USH2A: variants seen among roughly 807,000 people sequenced by gnomAD.
The protein encoded by USH2A is usherin, also known as Usher syndrome 2A (autosomal recessive, mild).
A neutral mutation model predicts 538.9 loss-of-function variants in USH2A; 443 were observed. The observed-to-expected ratio is 0.82, with a 90% confidence interval of 0.76 to 0.89. The LOEUF (loss-of-function observed/expected upper bound fraction) is 0.89. Among genes scored for constraint, USH2A ranks in the 40% least tolerant of loss-of-function variants. USH2A has a pLI of 0.00. For synonymous variants in USH2A, 2,413 were observed against 2,273.5 expected (o/e 1.06, Z -1.75); for missense variants, 6,633 against 6,324.8 (o/e 1.05, Z -1.65).
At chr1:215,792,913 G>T (rs1301987087) in intron 50 of USH2A, among the ~76,000 whole-genome samples, 1 of 152,198 alleles carries the variant, frequency 6.6e-6, no homozygotes, top group East Asian at 1.9e-4. Context: ...AAAAGGTGGA[G>T]TGTGTCTTTG....
chr1:215,908,571 TATAG>T (rs1213633575), intron 38 of USH2A, among the ~76,000 whole-genome samples: 2 of 151,914 alleles, frequency 1.3e-5, no homozygotes, highest in Non-Finnish European at 2.9e-5. Flanking sequence ...GTAAAATTAT[TATAG>T]ATAATCTTTC....
intron 3 of USH2A, among the ~76,000 whole-genome samples, chr1:216,398,542 A>T (rs1411013923): frequency 1.8e-5 from 2 of 108,560 alleles, no homozygotes; most frequent in East Asian, 6.3e-4. Context: ...ACACACACAC[A>T]CAAGCACACC....
intron 14 of USH2A, among the ~76,000 whole-genome samples, chr1:216,222,851 G>GC (rs1455473090): frequency 6.6e-6 from 1 of 152,014 alleles, no homozygotes; most frequent in Non-Finnish European, 1.5e-5. Flanking sequence ...GGTGCTGCAT[G>GC]CTTGTAATCA....
chr1:215,758,672 G>A lies in USH2A; in HGVS notation c.11312C>T (p.Thr3771Ile). Residue 3771 changes from threonine (T) to isoleucine (I), a missense_variant, in exon 58 of 72, where the codon ACA becomes ATA. Coordinates refer to ENST00000307340, the MANE Select transcript of USH2A (RefSeq NM_206933.4). ...DDYIVQTPMS[T>I]PEEIYPPYNI... ...ATATGGAGGATAGATTTCTTCTGGT[G>A]TTGACATAGGTGTTTGAACAATGTA... 6.2e-7 allele frequency: 1 copy of A among 1,613,586 alleles called. No individual in the cohort carries two copies. Among genetic ancestry groups the A allele is most frequent in the Non-Finnish European group, 8.5e-7 (1 of 1,179,766 alleles).
chr1:215,809,310 T>C (rs1401564058), intron 49 of USH2A, among the ~76,000 whole-genome samples: 3 of 152,278 alleles, frequency 2.0e-5, no homozygotes, highest in African/African-American at 4.8e-5. Flanking sequence ...AGAGGAAACA[T>C]AGTATACACA....
At chr1:215,640,012 A>G (rs1412549175) in intron 68 of USH2A, among the ~76,000 whole-genome samples, 1 of 152,218 alleles carries the variant, frequency 6.6e-6, no homozygotes. Context: ...TTCAATTTAA[A>G]AACAAGGCAA....
At chr1:216,188,477 TA>T (rs2034651524) in intron 20 of USH2A, among the ~76,000 whole-genome samples, 1 of 151,796 alleles carries the variant, frequency 6.6e-6, no homozygotes, top group Non-Finnish European at 1.5e-5. Flanking sequence ...ATATGCAGCC[TA>T]AAGGAGAAAA....
chr1:215,913,291 T>C (rs1558158550), intron 38 of USH2A, among the ~76,000 whole-genome samples: 1 of 152,012 alleles, frequency 6.6e-6, no homozygotes, highest in Non-Finnish European at 1.5e-5. Context: ...GAAAGCAATA[T>C]GTAGTTAAAA....
intron 21 of USH2A, among the ~76,000 whole-genome samples, chr1:216,117,214 G>A (rs1178352298): frequency 5.9e-5 from 9 of 152,064 alleles, no homozygotes; most frequent in African/African-American, 2.2e-4. Context: ...ATGAACTAGT[G>A]TCCTCCTTCC....
chr1:216,107,556 G>T (rs1390979427), intron 21 of USH2A, among the ~76,000 whole-genome samples: 2 of 151,390 alleles, frequency 1.3e-5, no homozygotes, highest in African/African-American at 4.8e-5. Flanking sequence ...TGCTTATTTA[G>T]CCAGTTTAAT....
intron 43 of USH2A, among the ~76,000 whole-genome samples, 185 bp downstream of exon 43, chr1:215,877,573 G>A (rs1664802713): frequency 6.6e-6 from 1 of 152,142 alleles, no homozygotes; most frequent in Non-Finnish European, 1.5e-5. Flanking sequence ...ATGCAGTTAA[G>A]ATGGAAAACA....
In USH2A at chr1:216,343,364, A is replaced by G. The variant is rs2038112640; in HGVS notation, c.785-15710T>C. 5.2e-5 allele frequency among the ~76,000 whole-genome samples: 7 copies of G among 134,324 alleles called. No homozygotes were observed. In the South Asian group the frequency reaches 1.7e-3, roughly 32 times the overall value. The allele number at this position is 134,324 out of a possible 152,430, so 88.1% of individuals were successfully genotyped here. On this transcript the variant is annotated intron_variant, in intron 4 of 71. Coordinates refer to ENST00000307340, the MANE Select transcript of USH2A (RefSeq NM_206933.4). ...TGGACTGGACAACATAGTAAGAACC[A>G]TCTCTACAAAAAAAAAAAAAAAAAA...
At chr1:215,998,428 A>G (rs1034968369) in intron 34 of USH2A, among the ~76,000 whole-genome samples, 2 of 152,144 alleles carry the variant, frequency 1.3e-5, no homozygotes, top group South Asian at 4.1e-4. Context: ...GGAGCATAAT[A>G]TAAACCAGAA....
intron 21 of USH2A, among the ~76,000 whole-genome samples, chr1:216,102,029 G>A (rs1287973590): frequency 6.6e-6 from 1 of 152,036 alleles, no homozygotes; most frequent in Non-Finnish European, 1.5e-5. Flanking sequence ...TAAATGTGAA[G>A]CTATAACATA....
intron 46 of USH2A, among the ~76,000 whole-genome samples, chr1:215,842,064 C>T (rs973695728): frequency 1.3e-5 from 2 of 152,128 alleles, no homozygotes; most frequent in African/African-American, 4.8e-5. Flanking sequence ...TGGCTCACAC[C>T]TGTAATCCCA....
At chr1:215,632,254 T>G (rs1656306952) in intron 70 of USH2A, among the ~76,000 whole-genome samples, 1 of 152,066 alleles carries the variant, frequency 6.6e-6, no homozygotes, top group East Asian at 1.9e-4. Context: ...CTGGTTAAAA[T>G]GGCAGATTAT....
At chr1:215,830,112 T>C (rs12049001) in intron 47 of USH2A, among the ~76,000 whole-genome samples, 53,483 of 151,854 alleles carry the variant, frequency 0.35, 10,671 homozygotes, top group Admixed American at 0.51. Flanking sequence ...CCATTTTTTT[T>C]CCCCCTCCTT....
rs1664436224 is a variant in USH2A, at chr1:215,865,167, G to T, written c.8845+1840C>A. 2.0e-5 allele frequency among the ~76,000 whole-genome samples: 3 copies of T among 152,114 alleles called. No homozygotes were observed. The South Asian group carries it at 6.2e-4, about 31-fold the overall frequency. ...AGGATCGACTAGTTAATTTACTTAA[G>T]ATAGCAAGTTGCCCAAAAGAAGAAA... On this transcript the variant is annotated intron_variant, in intron 44 of 71. Coordinates refer to ENST00000307340, the MANE Select transcript of USH2A (RefSeq NM_206933.4).
At chr1:216,034,445 G>C (rs981440724) in intron 32 of USH2A, among the ~76,000 whole-genome samples, 1 of 152,086 alleles carries the variant, frequency 6.6e-6, no homozygotes, top group Non-Finnish European at 1.5e-5. Context: ...CTCCCAAAAG[G>C]TATCTCCATG....
Sources: allele counts gnomAD v4.1 joint callset (sites outside exome capture counted in the v4.1 genomes callset), GRCh38; gene constraint gnomAD v4.1.1; transcripts MANE v1.5; gene names NCBI Gene and HGNC (gene_info 2026-07-23, HGNC 2026-07-21).